GMDS: variants seen among roughly 807,000 people sequenced by gnomAD.
GMDS encodes GDP-mannose 4,6-dehydratase.
Under a neutral mutation model 49.9 loss-of-function variants are expected in GMDS, and 20 were observed. The ratio of observed to expected loss-of-function variants is 0.40; its 90% CI spans 0.28 to 0.58. GMDS has a LOEUF of 0.58. Ranked by LOEUF, GMDS falls within the 20% of genes least tolerant of loss-of-function variation. The pLI, the probability that GMDS is intolerant of heterozygous loss-of-function variation, is 0.42. For synonymous variants in GMDS, 177 were observed against 178.6 expected (o/e 0.99, Z 0.07); for missense variants, 362 against 481.4 (o/e 0.75, Z 2.32).
At chr6:2,109,907 T>A (rs915405740) in intron 4 of GMDS, among the ~76,000 whole-genome samples, 2 of 152,198 alleles carry the variant, frequency 1.3e-5, no homozygotes, top group African/African-American at 4.8e-5. Flanking sequence ...TTCTCTTTCC[T>A]TCTAACAGCA....
intron 9 of GMDS, among the ~76,000 whole-genome samples, chr6:1,675,316 A>G (rs561130935): frequency 2.6e-4 from 31 of 117,242 alleles, no homozygotes; most frequent in African/African-American, 1.1e-3. Flanking sequence ...AATTAGTTCC[A>G]GGATTTTTTT....
chr6:1,990,282 C>T (rs539169660), intron 4 of GMDS, among the ~76,000 whole-genome samples: 9 of 152,154 alleles, frequency 5.9e-5, no homozygotes, highest in African/African-American at 1.9e-4. Context: ...GGAGACAGAG[C>T]GAGACTGTCT....
intron 6 of GMDS, among the ~76,000 whole-genome samples, chr6:1,935,262 T>C (rs1032861824): frequency 3.3e-5 from 5 of 152,158 alleles, no homozygotes; most frequent in Non-Finnish European, 7.4e-5. Context: ...ATATTAACAT[T>C]TGCCATGCCA....
At chr6:1,800,562 G>A (rs1378104620) in intron 7 of GMDS, among the ~76,000 whole-genome samples, 2 of 151,756 alleles carry the variant, frequency 1.3e-5, no homozygotes, top group South Asian at 2.1e-4. Context: ...TCAGCCTCCT[G>A]AGTAGGTGGG....
intron 1 of GMDS, among the ~76,000 whole-genome samples, chr6:2,152,040 G>C (rs1776869907): frequency 6.6e-6 from 1 of 152,092 alleles, no homozygotes; most frequent in African/African-American, 2.4e-5. Context: ...CATCATAGTT[G>C]AAGGCCACAC....
chr6:1,791,027 A>G (rs1425805541), intron 7 of GMDS, among the ~76,000 whole-genome samples: 1 of 152,204 alleles, frequency 6.6e-6, no homozygotes, highest in Non-Finnish European at 1.5e-5. Context: ...GTAAGTGATG[A>G]TGGAAGCAAA....
intron 7 of GMDS, among the ~76,000 whole-genome samples, chr6:1,814,576 A>T (rs1211050582): frequency 6.6e-6 from 1 of 152,226 alleles, no homozygotes; most frequent in Non-Finnish European, 1.5e-5. Context: ...TCATGTTCAT[A>T]GTTTTAAGGA....
chr6:1,829,487 G>C (rs562800848), intron 7 of GMDS, among the ~76,000 whole-genome samples: 1 of 152,354 alleles, frequency 6.6e-6, no homozygotes, highest in African/African-American at 2.4e-5. Flanking sequence ...AGGCTGGAGT[G>C]CACTGGTGTG....
At chr6:1,986,977 C>A (rs1362595242) in intron 4 of GMDS, among the ~76,000 whole-genome samples, 1 of 152,168 alleles carries the variant, frequency 6.6e-6, no homozygotes, top group Non-Finnish European at 1.5e-5. Flanking sequence ...TTATTTCACA[C>A]TGCAAAAGCA....
chr6:1,668,050 T>C (rs1486862811), intron 9 of GMDS, among the ~76,000 whole-genome samples: 3 of 152,354 alleles, frequency 2.0e-5, no homozygotes, highest in Admixed American at 6.5e-5. Flanking sequence ...TGGCTATTGA[T>C]TTGCTAATAT....
At chr6:2,088,584 T>G (rs1773143230) in intron 4 of GMDS, among the ~76,000 whole-genome samples, 1 of 152,108 alleles carries the variant, frequency 6.6e-6, no homozygotes, top group South Asian at 2.1e-4. Flanking sequence ...AGATAGAAAT[T>G]TTCTATGCAT....
intron 9 of GMDS, among the ~76,000 whole-genome samples, chr6:1,709,151 T>C (rs1227201300): frequency 1.3e-5 from 2 of 152,198 alleles, no homozygotes; most frequent in Non-Finnish European, 2.9e-5. Flanking sequence ...TAGGTGCAGA[T>C]ACACCCACTG....
intron 7 of GMDS, among the ~76,000 whole-genome samples, chr6:1,798,649 C>A (rs574199459): frequency 6.6e-6 from 1 of 152,194 alleles, no homozygotes; most frequent in East Asian, 1.9e-4. Flanking sequence ...CAGAAGCCAT[C>A]CCTTCTCTTG....
chr6:1,629,433 C>T (rs546326185), intron 9 of GMDS, among the ~76,000 whole-genome samples: 8 of 152,208 alleles, frequency 5.3e-5, no homozygotes, highest in South Asian at 2.1e-4. Flanking sequence ...AAGCGGGACT[C>T]GGTGGGACTG....
intron 6 of GMDS, among the ~76,000 whole-genome samples, chr6:1,937,866 A>G (rs1386575501): frequency 6.6e-6 from 1 of 152,156 alleles, no homozygotes. Context: ...AACCCACTAT[A>G]AGAACGAAGG....
intron 9 of GMDS, among the ~76,000 whole-genome samples, chr6:1,720,828 T>G (rs1355257641): frequency 1.3e-5 from 2 of 151,948 alleles, no homozygotes; most frequent in African/African-American, 4.8e-5. Flanking sequence ...GCGGGAGGGA[T>G]GGACTGGCTT....
intron 4 of GMDS, among the ~76,000 whole-genome samples, chr6:1,970,283 G>T (rs1561934242): frequency 6.6e-6 from 1 of 152,230 alleles, no homozygotes; most frequent in Non-Finnish European, 1.5e-5. Context: ...CTGCTTCTCT[G>T]TAAGTGAAAG....
intron 9 of GMDS, 45 bp downstream of exon 9, chr6:1,726,371 G>A (rs2113441657): frequency 6.8e-6 from 9 of 1,330,870 alleles, no homozygotes; most frequent in Non-Finnish European, 8.7e-6. Context: ...TGCCCAGCCA[G>A]CCAGCCAAAT....
In GMDS at chr6:1,766,273, GAC is replaced by G. The variant is rs1386819933; in HGVS notation, c.772-23689_772-23688del. On this transcript the variant is annotated intron_variant, in intron 7 of 10. Coordinates refer to ENST00000380815, the MANE Select transcript of GMDS (RefSeq NM_001500.4). The surrounding 1 kb of genome is among the most constrained non-coding windows in gnomAD (Gnocchi z 4.5). ...ATGTGCATTGAGTCACTGGAAATTG[GAC>G]AGGAGCAAAGACCACAGAACTTTCG... 8.5e-5 allele frequency among the ~76,000 whole-genome samples: 13 copies of G among 152,222 alleles called. No homozygotes were observed. The highest frequency in any genetic ancestry group is 1.6e-4 in the Non-Finnish European group (11 of 68,012).
Sources: allele counts gnomAD v4.1 joint callset (sites outside exome capture counted in the v4.1 genomes callset), GRCh38; gene constraint gnomAD v4.1.1; non-coding constraint Gnocchi (gnomAD v3.1); transcripts MANE v1.5; gene names NCBI Gene and HGNC (gene_info 2026-07-23, HGNC 2026-07-21).